Variants in SNCAIP observed in about 807,000 individuals in gnomAD.
The protein encoded by SNCAIP is synuclein alpha interacting protein.
Under a neutral mutation model 86.7 loss-of-function variants are expected in SNCAIP, and 43 were observed. The ratio of observed to expected loss-of-function variants is 0.50; its 90% CI spans 0.39 to 0.64. SNCAIP has a LOEUF of 0.64. Among genes scored for constraint, SNCAIP ranks in the 30% least tolerant of loss-of-function variants. The probability of loss-of-function intolerance (pLI) is 0.00; values close to 1 mark genes in which losing one functional copy is unlikely to be tolerated. For missense variants in SNCAIP, 981 were observed against 1,103.1 expected (o/e 0.89, Z 1.57); for synonymous variants, 417 against 427.2 (o/e 0.98, Z 0.29).
intron 1 of SNCAIP, among the ~76,000 whole-genome samples, chr5:122,384,099 C>T (rs906775900): frequency 6.6e-6 from 1 of 152,072 alleles, no homozygotes; most frequent in African/African-American, 2.4e-5. Flanking sequence ...CAATACAATT[C>T]AGGGCTAGGG....
At chr5:122,373,568 G>A (rs1044633000) in intron 1 of SNCAIP, among the ~76,000 whole-genome samples, 23 of 152,170 alleles carry the variant, frequency 1.5e-4, no homozygotes, top group Admixed American at 1.4e-3. Context: ...TAATCTTCAT[G>A]AGCATCGTGG....
chr5:122,414,069 C>G (rs1315530431), intron 3 of SNCAIP, among the ~76,000 whole-genome samples: 8 of 152,104 alleles, frequency 5.3e-5, no homozygotes, highest in African/African-American at 1.7e-4. Flanking sequence ...GCCACCATGC[C>G]TGGCTAATTT....
intron 2 of SNCAIP, among the ~76,000 whole-genome samples, chr5:122,401,581 A>G (rs906541091): frequency 6.6e-6 from 1 of 152,212 alleles, no homozygotes; most frequent in Non-Finnish European, 1.5e-5. Flanking sequence ...TTAGATTGCT[A>G]TACTTTTTAT....
chr5:122,403,712 G>C, intron 2 of SNCAIP, 81 bp from the exon 3 acceptor site: 1 of 1,087,372 alleles, frequency 9.2e-7, no homozygotes, highest in Non-Finnish European at 1.4e-6. Context: ...CACTTATTGT[G>C]TTTTGTTTTT....
chr5:122,329,502 G>T (rs983598315), intron 1 of SNCAIP, among the ~76,000 whole-genome samples: 4 of 152,228 alleles, frequency 2.6e-5, no homozygotes, highest in South Asian at 2.1e-4. Context: ...AGGGGAAATA[G>T]AAATCAAGTG....
Position 122,355,295 on chromosome 5 carries a change from A to G in SNCAIP, c.-46-35794A>G, listed in dbSNP as rs548892878. Among the ~76,000 whole-genome samples, 73 of 152,256 alleles carry G rather than the reference A, an allele frequency of 4.8e-4. 1 individual carries two copies. The highest frequency in any genetic ancestry group is 1.0e-3 in the Admixed American group (16 of 15,282). ...TTTAATGTCCTTCATATATAGGATG[A>G]CTTCCCCAAAATATCTCATGAGAGT... On this transcript the variant is annotated intron_variant, in intron 1 of 10. Coordinates refer to ENST00000261368, the MANE Select transcript of SNCAIP (RefSeq NM_005460.4).
intron 1 of SNCAIP, among the ~76,000 whole-genome samples, chr5:122,362,603 T>C (rs568550487): frequency 1.3e-5 from 2 of 152,198 alleles, no homozygotes; most frequent in South Asian, 4.2e-4. Flanking sequence ...GGAGAACTCA[T>C]AGGAATGCTA....
At chr5:122,422,244 A>G (rs1247994461) in intron 3 of SNCAIP, among the ~76,000 whole-genome samples, 2 of 152,128 alleles carry the variant, frequency 1.3e-5, no homozygotes, top group Non-Finnish European at 1.5e-5. Flanking sequence ...TAACTCAACT[A>G]TGTCTTCTCT....
At chr5:122,368,365 G>T (rs1037352397) in intron 1 of SNCAIP, among the ~76,000 whole-genome samples, 13 of 152,078 alleles carry the variant, frequency 8.5e-5, no homozygotes, top group African/African-American at 2.9e-4. Context: ...CCTTGTACTT[G>T]CAGAACTTTT....
chr5:122,432,970 T>G lies in SNCAIP; in HGVS notation c.1296+888T>G, dbSNP rs1581216779. Among the ~76,000 whole-genome samples the G allele has an allele frequency of 2.0e-5, 3 of 152,266 alleles. No homozygotes were observed. The East Asian group carries it at 5.8e-4, about 29-fold the overall frequency. ...ATAAACTTTCCTAGTAGAAGTAAAC[T>G]GTGGCGTTGTCAACAAGAGATTATG... On this transcript the variant is annotated intron_variant, in intron 6 of 10. Transcript: ENST00000261368.
At chr5:122,354,125 A>C (rs924188573) in intron 1 of SNCAIP, among the ~76,000 whole-genome samples, 8 of 152,162 alleles carry the variant, frequency 5.3e-5, no homozygotes, top group Non-Finnish European at 1.0e-4. Context: ...TTTAGAATTC[A>C]AGTCTTCCAG....
intron 1 of SNCAIP, among the ~76,000 whole-genome samples, chr5:122,339,453 T>C (rs1471239207): frequency 6.6e-6 from 1 of 152,250 alleles, no homozygotes; most frequent in African/African-American, 2.4e-5. Context: ...AAAAATATAG[T>C]AACCCTCCAG....
intron 3 of SNCAIP, among the ~76,000 whole-genome samples, chr5:122,412,465 C>T (rs1774344249): frequency 6.6e-6 from 1 of 152,200 alleles, no homozygotes; most frequent in African/African-American, 2.4e-5. Flanking sequence ...ACGGTCACCT[C>T]TCTTGGCTTT....
At chr5:122,401,607 T>C (rs1270023096) in intron 2 of SNCAIP, among the ~76,000 whole-genome samples, 1 of 152,150 alleles carries the variant, frequency 6.6e-6, no homozygotes, top group African/African-American at 2.4e-5. Flanking sequence ...TTCCCAGGAG[T>C]AGCAAATGAT....
In SNCAIP at chr5:122,463,768, T is replaced by G. The variant is rs1204447858; in HGVS notation, c.*272T>G. On this transcript the variant is annotated 3_prime_UTR_variant, in exon 11 of 11. Transcript: ENST00000261368. Reference sequence around the variant, plus strand: ...GTGATATCTGTATATATAACTTGTTTTTTTAAAAGATGCCGTTTAAAAGCA... The same window carrying G: ...GTGATATCTGTATATATAACTTGTTGTTTTAAAAGATGCCGTTTAAAAGCA... 2.5e-6 allele frequency: 1 copy of G among 404,036 alleles called. No individual in the cohort carries two copies. The highest frequency in any genetic ancestry group is 4.4e-6 in the Non-Finnish European group (1 of 227,862). 25.0% of individuals were successfully genotyped at this position (404,036 alleles called of 1,614,324 possible). A position where few individuals can be genotyped will look rare whatever the true frequency, so the allele number is the denominator to read the frequency against.
intron 10 of SNCAIP, among the ~76,000 whole-genome samples, chr5:122,456,557 C>A (rs547232986): frequency 2.4e-4 from 37 of 152,258 alleles, no homozygotes; most frequent in African/African-American, 8.4e-4. Context: ...TGGCTGAAAC[C>A]TGCTCCCAAC....
Position 122,383,085 on chromosome 5 carries a change from C to T in SNCAIP, c.-46-8004C>T, listed in dbSNP as rs370206743. On this transcript the variant is annotated intron_variant, in intron 1 of 10. Transcript: ENST00000261368. The stretch of plus-strand genomic sequence containing the variant: ...TGGGCTCCACCCAGTTGGAGCTTCC[C>T]GGCTGCTTTGTTTACCTAGCAAGCC... 1.2e-4 allele frequency among the ~76,000 whole-genome samples: 19 copies of T among 152,242 alleles called. No homozygotes were observed. In the South Asian group the frequency reaches 2.3e-3, roughly 18 times the overall value.
chr5:122,370,361 A>C (rs1764040747), intron 1 of SNCAIP, among the ~76,000 whole-genome samples: 1 of 151,162 alleles, frequency 6.6e-6, no homozygotes, highest in Non-Finnish European at 1.5e-5. Context: ...TTAAAATATA[A>C]ATATATTTTA....
intron 2 of SNCAIP, among the ~76,000 whole-genome samples, chr5:122,402,438 G>T (rs2152870710): frequency 6.6e-6 from 1 of 152,266 alleles, no homozygotes; most frequent in Non-Finnish European, 1.5e-5. Context: ...AGTCTCAGAG[G>T]CATGGCCAAT....
Sources: allele counts gnomAD v4.1 joint callset (sites outside exome capture counted in the v4.1 genomes callset), GRCh38; gene constraint gnomAD v4.1.1; transcripts MANE v1.5; gene names NCBI Gene and HGNC (gene_info 2026-07-23, HGNC 2026-07-21).